The following SDCCAG8 variants were observed in gnomAD, a reference collection of about 807,000 sequenced individuals.
The protein encoded by SDCCAG8 is serologically defined colon cancer antigen 8.
SDCCAG8 carries 74 observed loss-of-function variants against 101.8 expected under a neutral mutation model. The ratio of observed to expected loss-of-function variants is 0.73; its 90% CI spans 0.60 to 0.88. The LOEUF is 0.88. Among genes scored for constraint, SDCCAG8 ranks in the 40% least tolerant of loss-of-function variants. SDCCAG8 has a pLI of 0.00. For synonymous variants in SDCCAG8, 281 were observed against 292.9 expected (o/e 0.96, Z 0.41); for missense variants, 787 against 822.6 (o/e 0.96, Z 0.53).
chr1:243,366,645 T>C (rs914428133), intron 12 of SDCCAG8, among the ~76,000 whole-genome samples: 1 of 152,038 alleles, frequency 6.6e-6, no homozygotes, highest in African/African-American at 2.4e-5. Flanking sequence ...ATTTCTGTTA[T>C]TTACTGTAGC....
intron 10 of SDCCAG8, among the ~76,000 whole-genome samples, chr1:243,331,340 A>G (rs1016340916): frequency 6.6e-6 from 1 of 152,248 alleles, no homozygotes; most frequent in Non-Finnish European, 1.5e-5. Flanking sequence ...GTTGTGGTCC[A>G]TCAAGTAACC....
intron 9 of SDCCAG8, among the ~76,000 whole-genome samples, chr1:243,317,477 T>C (rs1385864728): frequency 6.6e-6 from 1 of 152,134 alleles, no homozygotes; most frequent in East Asian, 1.9e-4. Flanking sequence ...CGGGCCATCA[T>C]GCCCAGCTAA....
intron 1 of SDCCAG8, among the ~76,000 whole-genome samples, chr1:243,268,589 G>A (rs1281055660): frequency 3.3e-5 from 5 of 152,076 alleles, no homozygotes; most frequent in Non-Finnish European, 5.9e-5. Context: ...TTTCATTGTC[G>A]AACCCTGACC....
At chr1:243,265,175 A>G (rs764876128) in intron 1 of SDCCAG8, among the ~76,000 whole-genome samples, 4 of 152,214 alleles carry the variant, frequency 2.6e-5, no homozygotes, top group South Asian at 2.1e-4. Flanking sequence ...TATAGTATAT[A>G]ATTATGCTGG....
At chr1:243,417,549 C>T (rs370509901) in intron 14 of SDCCAG8, among the ~76,000 whole-genome samples, 3 of 152,136 alleles carry the variant, frequency 2.0e-5, no homozygotes, top group African/African-American at 7.2e-5. Flanking sequence ...GCATGAATTA[C>T]AGTGTAGAAG....
intron 8 of SDCCAG8, among the ~76,000 whole-genome samples, chr1:243,315,645 T>C (rs1470613823): frequency 6.6e-6 from 1 of 152,176 alleles, no homozygotes; most frequent in African/African-American, 2.4e-5. Context: ...AAGAGATGTT[T>C]TAAATTGAAT....
intron 4 of SDCCAG8, among the ~76,000 whole-genome samples, 169 bp downstream of exon 4, chr1:243,274,825 G>A (rs2068401145): frequency 6.6e-6 from 1 of 152,188 alleles, no homozygotes; most frequent in Non-Finnish European, 1.5e-5. Context: ...TCAGACTTGG[G>A]AATGATGCTC....
chr1:243,354,211 T>G (rs887338450), intron 12 of SDCCAG8, among the ~76,000 whole-genome samples: 2 of 152,240 alleles, frequency 1.3e-5, no homozygotes, highest in Non-Finnish European at 2.9e-5. Context: ...CTTGCATTTC[T>G]AGAAACACAG....
intron 9 of SDCCAG8, among the ~76,000 whole-genome samples, chr1:243,329,446 T>C (rs939329803): frequency 6.6e-6 from 1 of 152,176 alleles, no homozygotes; most frequent in Non-Finnish European, 1.5e-5. Flanking sequence ...TAACTATGCA[T>C]AAAACTTACA....
chr1:243,306,141 G>T (rs1369909760), intron 7 of SDCCAG8: 1 of 150,046 alleles, frequency 6.7e-6, no homozygotes, highest in Non-Finnish European at 1.5e-5. Context: ...ACTGTACATG[G>T]TTGTTTATTT....
chr1:243,415,812 C>T lies in SDCCAG8; in HGVS notation c.1727C>T (p.Ala576Val), dbSNP rs766677544. ...ACACAGAAGATACAGCAAATGGAGG[C>T]CCAGCATGACAAAACTGGTAGGTGG... ...ELTQKIQQMEAQHDKTENEQY... is the reference protein window; with the variant it reads ...ELTQKIQQMEVQHDKTENEQY... Residue 576 changes from alanine to valine, a missense_variant, in exon 14 of 18, where the codon GCC becomes GTC. By Grantham distance (64) the Ala-to-Val change is moderately conservative (BLOSUM62 0). Transcript: ENST00000366541. 4.3e-6 allele frequency: 7 copies of T among 1,613,466 alleles called. No individual in the cohort carries two copies. Among genetic ancestry groups the T allele is most frequent in the Non-Finnish European group, 5.9e-6 (7 of 1,179,712 alleles).
intron 16 of SDCCAG8, among the ~76,000 whole-genome samples, chr1:243,452,705 G>A (rs2083460107): frequency 6.6e-6 from 1 of 152,092 alleles, no homozygotes; most frequent in Non-Finnish European, 1.5e-5. Flanking sequence ...GGGATTATAG[G>A]TGTGAACCAC....
chr1:243,386,367 C>T (rs1327257137), intron 13 of SDCCAG8, among the ~76,000 whole-genome samples: 1 of 152,162 alleles, frequency 6.6e-6, no homozygotes, highest in Non-Finnish European at 1.5e-5. Flanking sequence ...AAAAAGACAA[C>T]TTAGAAAATC....
intron 16 of SDCCAG8, among the ~76,000 whole-genome samples, chr1:243,433,007 G>T (rs557912586): frequency 1.3e-5 from 2 of 152,226 alleles, no homozygotes; most frequent in African/African-American, 4.8e-5. Flanking sequence ...TGAGAAGAGA[G>T]GTGGGTTGGG....
intron 13 of SDCCAG8, among the ~76,000 whole-genome samples, chr1:243,396,081 C>G (rs557210421): frequency 6.6e-6 from 1 of 152,054 alleles, no homozygotes; most frequent in Admixed American, 6.5e-5. Flanking sequence ...AATGATCTTC[C>G]ATTTTCTTAT....
In SDCCAG8 at chr1:243,354,496, A is replaced by C. The variant is rs74777637; in HGVS notation, c.1473+10165A>C. ...CATCATCTAATTTGCAACAAGGATT[A>C]AAGCCCCACTCTGAATTAAAATTTC... is the stretch of plus-strand genomic sequence containing the variant. On this transcript the variant is annotated intron_variant, in intron 12 of 17. Coordinates refer to ENST00000366541, the MANE Select transcript of SDCCAG8 (RefSeq NM_006642.5). Among the ~76,000 whole-genome samples the C allele has an allele frequency of 1.6e-4, 24 of 152,362 alleles. No individual in the cohort carries two copies. In the East Asian group the frequency reaches 4.6e-3, roughly 29 times the overall value.
At chr1:243,480,648 G>A (rs1450622757) in intron 16 of SDCCAG8, among the ~76,000 whole-genome samples, 79 of 137,182 alleles carry the variant, frequency 5.8e-4, no homozygotes, top group Non-Finnish European at 8.3e-4. Context: ...TGTGATGGAT[G>A]GATGGATGGG....
At chr1:243,490,387 C>T (rs1004717194) in intron 17 of SDCCAG8, among the ~76,000 whole-genome samples, 1 of 152,236 alleles carries the variant, frequency 6.6e-6, no homozygotes, top group African/African-American at 2.4e-5. Context: ...GAGGCGAGGC[C>T]TCACCTGGCA....
At chr1:243,320,788 C>T (rs936625350) in intron 9 of SDCCAG8, among the ~76,000 whole-genome samples, 89 of 152,262 alleles carry the variant, frequency 5.8e-4, no homozygotes, top group African/African-American at 2.0e-3. Context: ...CAATAAATAG[C>T]GGTGGTGGTG....
Sources: allele counts gnomAD v4.1 joint callset (sites outside exome capture counted in the v4.1 genomes callset), GRCh38; gene constraint gnomAD v4.1.1; transcripts MANE v1.5; gene names NCBI Gene and HGNC (gene_info 2026-07-23, HGNC 2026-07-21).